MRPS26: variants seen among roughly 807,000 people sequenced by gnomAD.
MRPS26 encodes mitochondrial ribosomal protein S26.
MRPS26 carries 26 observed loss-of-function variants against 22.7 expected under a neutral mutation model. The ratio of observed to expected loss-of-function variants is 1.15; its 90% CI spans 0.84 to 1.59. MRPS26 has a LOEUF of 1.59. Ranked by LOEUF, MRPS26 falls within the 40% of genes most tolerant of loss-of-function variation. The pLI is 0.00. For synonymous variants in MRPS26, 120 were observed against 124.0 expected (o/e 0.97, Z 0.22); for missense variants, 291 against 287.7 (o/e 1.01, Z -0.08).
At chr20:3,046,553 G>T in intron 2 of MRPS26, 34 bp downstream of exon 2, 1 of 1,512,708 alleles carries the variant, frequency 6.6e-7, no homozygotes, top group Non-Finnish European at 8.8e-7. Context: ...GGGGCGGCGC[G>T]GCCTGGCCGG....
In MRPS26 at chr20:3,046,615, A is replaced by G. The variant is rs1394576813; in HGVS notation, c.361A>G (p.Ile121Val). The G allele has an allele frequency of 2.0e-6, 3 of 1,538,022 alleles. No individual in the cohort carries two copies. Among genetic ancestry groups the G allele is most frequent in the Non-Finnish European group, 2.6e-6 (3 of 1,138,630 alleles). The change falls in exon 3 of 4, where the codon ATA (isoleucine) becomes GTA (valine). Residue 121 changes from isoleucine (I) to valine (V), a missense_variant and splice_region_variant. Coordinates refer to ENST00000380325, the MANE Select transcript of MRPS26 (RefSeq NM_030811.4). The part of the protein sequence containing the change: ...AENRRLHELR[I>V]ARLRQEEREQ... ...GCCTCGGCCCTTTGACCCTCACAGGATAGCGAGGCTGCGGCAGGAGGAGCG... is the reference window on the plus strand; with the variant it reads ...GCCTCGGCCCTTTGACCCTCACAGGGTAGCGAGGCTGCGGCAGGAGGAGCG...
chr20:3,046,937 C>T (rs1023066977), intron 3 of MRPS26, among the ~76,000 whole-genome samples, 200 bp downstream of exon 3: 2 of 152,180 alleles, frequency 1.3e-5, no homozygotes, highest in Non-Finnish European at 2.9e-5. Flanking sequence ...AGGTACCTAG[C>T]AGGTCTGTGG....
In MRPS26 at chr20:3,047,924, G is replaced by T; in HGVS notation, c.*55G>T. On this transcript the variant is annotated 3_prime_UTR_variant, in exon 4 of 4. Transcript: ENST00000380325. ...ACCATGTATGTATCATGGCGGAAGAGTTGGCCCTGACCTGGAATAAAGCAG... is the reference window on the plus strand; with the variant it reads ...ACCATGTATGTATCATGGCGGAAGATTTGGCCCTGACCTGGAATAAAGCAG... The T allele has an allele frequency of 4.5e-6, 7 of 1,545,114 alleles. No individual in the cohort carries two copies. The highest frequency in any genetic ancestry group is 6.1e-6 in the Non-Finnish European group (7 of 1,151,682).
Position 3,046,689 on chromosome 20 carries a change from G to C in MRPS26, c.435G>C (p.Glu145Asp), listed in dbSNP as rs1280421094. The C allele has an allele frequency of 2.6e-6, 4 of 1,545,720 alleles. No individual in the cohort carries two copies. The highest frequency in any genetic ancestry group is 2.7e-5 in the African/African-American group (2 of 73,048). ...QALEQARKAE[E>D]VQAWAQRKER... ...TGGAGCAGGCCCGCAAGGCCGAAGAGGTGCAGGCCTGGGCGCAGCGCAAGG... is the reference window on the plus strand; with the variant it reads ...TGGAGCAGGCCCGCAAGGCCGAAGACGTGCAGGCCTGGGCGCAGCGCAAGG... The change falls in exon 3 of 4, where the codon GAG becomes GAC. Residue 145 changes from glutamate to aspartate, a missense_variant. Coordinates refer to ENST00000380325, the MANE Select transcript of MRPS26 (RefSeq NM_030811.4).
chr20:3,046,129 G>C lies in MRPS26; in HGVS notation c.61G>C (p.Val21Leu). The change falls in exon 1 of 4, where the codon GTG becomes CTG. Residue 21 changes from valine (V) to leucine (L), a missense_variant. By Grantham distance (32) the Val-to-Leu change is conservative. Transcript: ENST00000380325. Reference protein sequence around the residue: ...GTPCRPRAPLVLPARGRKTRH... With the variant: ...GTPCRPRAPLLLPARGRKTRH... ...CCCGTGCAGGCCCCGGGCCCCTCTG[G>C]TGCTGCCAGCGCGCGGCCGCAAGAC... is the stretch of plus-strand genomic sequence containing the variant. The C allele has an allele frequency of 6.3e-7, 1 of 1,588,146 alleles. No individual in the cohort carries two copies. The highest frequency in any genetic ancestry group is 8.5e-7 in the Non-Finnish European group (1 of 1,175,268).
At chr20:3,047,665 C>T (rs891416324) in intron 3 of MRPS26, 70 bp from the exon 4 acceptor site, 2 of 1,599,828 alleles carry the variant, frequency 1.3e-6, no homozygotes, top group Non-Finnish European at 1.7e-6. Context: ...GGTGAGAGGC[C>T]AGCAGGCTGG....
At chr20:3,046,553 G>C (rs963179023) in intron 2 of MRPS26, 34 bp downstream of exon 2, 1 of 1,512,708 alleles carries the variant, frequency 6.6e-7, no homozygotes, top group Non-Finnish European at 8.8e-7. Context: ...GGGGCGGCGC[G>C]GCCTGGCCGG....
rs758323166 is a variant in MRPS26, at chr20:3,046,662, G to C, written c.408G>C (p.Ala136=). ...AGCGGGAGCAGGAGCAGCGGCAGGCGTTGGAGCAGGCCCGCAAGGCCGAAG... is the reference window on the plus strand; with the variant it reads ...AGCGGGAGCAGGAGCAGCGGCAGGCCTTGGAGCAGGCCCGCAAGGCCGAAG... The part of the protein sequence containing the change: ...QEEREQEQRQ[A]LEQARKAEEV... Residue 136 remains alanine (A), a synonymous_variant, in exon 3 of 4, where the codon GCG becomes GCC. Transcript: ENST00000380325. 1 of 1,543,722 alleles carries C rather than the reference G, an allele frequency of 6.5e-7. No homozygotes were observed. Among genetic ancestry groups the C allele is most frequent in the Non-Finnish European group, 8.7e-7 (1 of 1,143,460 alleles).
In MRPS26 at chr20:3,046,272, C is replaced by A; in HGVS notation, c.204C>A (p.Arg68=). 1 of 1,606,524 alleles carries A rather than the reference C, an allele frequency of 6.2e-7. No individual in the cohort carries two copies. Among genetic ancestry groups the A allele is most frequent in the Non-Finnish European group, 8.5e-7 (1 of 1,178,852 alleles). The change falls in exon 1 of 4, where the codon CGC becomes CGA. Residue 68 remains arginine (R), a synonymous_variant. Transcript: ENST00000380325. Reference sequence around the variant, plus strand: ...ACCAGCACTACCGCCAGACCGTGCGCGCCCTCAGGTGTGCGGCCGGGGGGA... The same window carrying A: ...ACCAGCACTACCGCCAGACCGTGCGAGCCCTCAGGTGTGCGGCCGGGGGGA... ...ERYQHYRQTV[R]ALRMEFVSEV... is the part of the protein sequence containing the mutation.
In MRPS26 at chr20:3,046,083, G is replaced by A; in HGVS notation, c.15G>A (p.Leu5=). The change falls in exon 1 of 4, where the codon CTG becomes CTA. Residue 5 remains leucine (L), a synonymous_variant. Coordinates refer to ENST00000380325, the MANE Select transcript of MRPS26 (RefSeq NM_030811.4). The part of the protein sequence containing the change: MLRA[L]SRLGAGTPCR... ...GAGACTCGGCCATGCTACGCGCGCTGAGCCGCCTGGGCGCGGGGACCCCGT... is the reference window on the plus strand; with the variant it reads ...GAGACTCGGCCATGCTACGCGCGCTAAGCCGCCTGGGCGCGGGGACCCCGT... 1 of 1,526,016 alleles carries A rather than the reference G, an allele frequency of 6.6e-7. No individual in the cohort carries two copies. The highest frequency in any genetic ancestry group is 8.7e-7 in the Non-Finnish European group (1 of 1,144,772). 94.5% of individuals were successfully genotyped at this position (1,526,016 alleles called of 1,614,324 possible).
At position 3,047,895 on chromosome 20, in the gene MRPS26, A is replaced by G. The variant is rs1009159614; in HGVS notation, c.*26A>G. On this transcript the variant is annotated 3_prime_UTR_variant, in exon 4 of 4. Transcript: ENST00000380325. ...GGGCCCAGTAAGGACAGTGCCCGCC[A>G]GGGACCATGTATGTATCATGGCGGA... 1 of 1,581,250 alleles carries G rather than the reference A, an allele frequency of 6.3e-7. No individual in the cohort carries two copies. The highest frequency in any genetic ancestry group is 1.4e-5 in the African/African-American group (1 of 72,578).
In MRPS26 at chr20:3,047,877, G is replaced by A. The variant is rs758769667; in HGVS notation, c.*8G>A. Reference sequence around the variant, plus strand: ...CAACGCAGGGACTCCTAGGGGCCCAGTAAGGACAGTGCCCGCCAGGGACCA... The same window carrying A: ...CAACGCAGGGACTCCTAGGGGCCCAATAAGGACAGTGCCCGCCAGGGACCA... On this transcript the variant is annotated 3_prime_UTR_variant, in exon 4 of 4. Coordinates refer to ENST00000380325, the MANE Select transcript of MRPS26 (RefSeq NM_030811.4). The A allele has an allele frequency of 6.3e-7, 1 of 1,597,182 alleles. No homozygotes were observed. Among genetic ancestry groups the A allele is most frequent in the South Asian group, 1.1e-5 (1 of 88,800 alleles).
rs755799119 is a variant in MRPS26 at position 3,046,591 on chromosome 20, C to T, written c.360-23C>T. 6.5e-6 allele frequency: 10 copies of T among 1,535,864 alleles called. No homozygotes were observed. In the African/African-American group the frequency reaches 1.2e-4, roughly 19 times the overall value. On this transcript the variant is annotated intron_variant, in intron 2 of 3. Transcript: ENST00000380325. Reference sequence around the variant, plus strand: ...TGGGAGAAGCCCGGGCCCCGCTCAGCCTCGGCCCTTTGACCCTCACAGGAT... The same window carrying T: ...TGGGAGAAGCCCGGGCCCCGCTCAGTCTCGGCCCTTTGACCCTCACAGGAT...
chr20:3,046,077 C>A lies in MRPS26; in HGVS notation c.9C>A (p.Arg3=). The A allele has an allele frequency of 6.6e-7, 1 of 1,514,412 alleles. No individual in the cohort carries two copies. The highest frequency in any genetic ancestry group is 8.8e-7 in the Non-Finnish European group (1 of 1,139,794). 93.8% of individuals were successfully genotyped at this position (1,514,412 alleles called of 1,614,324 possible). Residue 3 remains arginine, a synonymous_variant, in exon 1 of 4, where the codon CGC becomes CGA. Coordinates refer to ENST00000380325, the MANE Select transcript of MRPS26 (RefSeq NM_030811.4). ...AGTGAGGAGACTCGGCCATGCTACG[C>A]GCGCTGAGCCGCCTGGGCGCGGGGA... ML[R]ALSRLGAGTP...
At position 3,046,748 on chromosome 20, in the gene MRPS26, T is replaced by C. The variant is rs1473008323; in HGVS notation, c.483+11T>C. 3.9e-6 allele frequency: 6 copies of C among 1,535,114 alleles called. No homozygotes were observed. Among genetic ancestry groups the C allele is most frequent in the African/African-American group, 2.8e-5 (2 of 70,896 alleles). On this transcript the variant is annotated intron_variant, in intron 3 of 3. Coordinates refer to ENST00000380325, the MANE Select transcript of MRPS26 (RefSeq NM_030811.4). ...GTGCTGCAGCTGCAGGTGGGCAACG[T>C]CTCCGGAGGGTGGGACTCCAGCCGG...
chr20:3,047,977 C>T lies in MRPS26; in HGVS notation c.*108C>T. 7.4e-7 allele frequency: 1 copy of T among 1,346,404 alleles called. No individual in the cohort carries two copies. The allele number at this position is 1,346,404 out of a possible 1,614,324, so 83.4% of individuals were successfully genotyped here. ...GGTGTTGCTTATGAGGAAGGTTCAGCCTTATCCAGCACAGCCTTCACGTTT... is the reference window on the plus strand; with the variant it reads ...GGTGTTGCTTATGAGGAAGGTTCAGTCTTATCCAGCACAGCCTTCACGTTT... On this transcript the variant is annotated 3_prime_UTR_variant, in exon 4 of 4. Transcript: ENST00000380325.
Position 3,046,299 on chromosome 20 carries a change from G to A in MRPS26, c.212+19G>A, listed in dbSNP as rs755448458. 6.2e-6 allele frequency: 10 copies of A among 1,604,312 alleles called. No homozygotes were observed. The highest frequency in any genetic ancestry group is 3.3e-5 in the South Asian group (3 of 90,832). ...CCCTCAGGTGTGCGGCCGGGGGGAGGTGGCCGCCCGCGCGCGCTGGTGACG... is the reference window on the plus strand; with the variant it reads ...CCCTCAGGTGTGCGGCCGGGGGGAGATGGCCGCCCGCGCGCGCTGGTGACG... On this transcript the variant is annotated intron_variant, in intron 1 of 3. Transcript: ENST00000380325.
chr20:3,047,616 A>T (rs2065995006), intron 3 of MRPS26, 119 bp from the exon 4 acceptor site: 1 of 1,407,622 alleles, frequency 7.1e-7, no homozygotes, highest in Admixed American at 2.2e-5. Context: ...GGTTCCAGGC[A>T]TGCTTCCCCA....
In MRPS26 at chr20:3,046,628, G is replaced by A. The variant is rs970745543; in HGVS notation, c.374G>A (p.Arg125Gln). 20 of 1,539,464 alleles carry A rather than the reference G, an allele frequency of 1.3e-5. No homozygotes were observed. Among genetic ancestry groups the A allele is most frequent in the Non-Finnish European group, 1.6e-5 (18 of 1,139,196 alleles). Residue 125 changes from arginine (R) to glutamine (Q), a missense_variant, in exon 3 of 4, where the codon CGG (arginine) becomes CAG (glutamine). Coordinates refer to ENST00000380325, the MANE Select transcript of MRPS26 (RefSeq NM_030811.4). ...RLHELRIARL[R>Q]QEEREQEQRQ... ...GACCCTCACAGGATAGCGAGGCTGC[G>A]GCAGGAGGAGCGGGAGCAGGAGCAG...
Sources: allele counts gnomAD v4.1 joint callset (sites outside exome capture counted in the v4.1 genomes callset), GRCh38; gene constraint gnomAD v4.1.1; transcripts MANE v1.5; gene names NCBI Gene and HGNC (gene_info 2026-07-23, HGNC 2026-07-21).